MED13L: variants seen among roughly 807,000 people sequenced by gnomAD.
MED13L encodes the protein mediator complex subunit 13L.
In MED13L, 7 loss-of-function variants were observed where a neutral mutation model predicts 220.9. That is an observed-to-expected ratio of 0.03 (90% CI 0.02 to 0.06). MED13L has a LOEUF of 0.06. Ranked by LOEUF, MED13L falls within the 10% of genes least tolerant of loss-of-function variation. The pLI, the probability that MED13L is intolerant of heterozygous loss-of-function variation, is 1.00. For missense variants in MED13L, 1,965 were observed against 2,760.5 expected, an observed-to-expected ratio of 0.71 and a Z score of 6.46; for synonymous variants, 1,011 against 1,015.2, an observed-to-expected ratio of 1.00 and a Z score of 0.08.
intron 4 of MED13L, among the ~76,000 whole-genome samples, chr12:116,087,244 T>C (rs1455609311): frequency 6.6e-6 from 1 of 152,196 alleles, no homozygotes; most frequent in East Asian, 1.9e-4. Context: ...GCTATCTTAT[T>C]CAATACCATA....
intron 2 of MED13L, among the ~76,000 whole-genome samples, chr12:116,155,495 C>T (rs746140468): frequency 2.6e-5 from 4 of 152,078 alleles, no homozygotes; most frequent in Non-Finnish European, 5.9e-5. Context: ...TTAAATGTAA[C>T]GATGAAAGGT....
intron 4 of MED13L, among the ~76,000 whole-genome samples, chr12:116,053,275 C>T (rs1271900928): frequency 1.3e-5 from 2 of 152,062 alleles, no homozygotes; most frequent in Admixed American, 1.3e-4. Flanking sequence ...GGAATTTATA[C>T]TCTTCTAGAA....
intron 16 of MED13L, among the ~76,000 whole-genome samples, chr12:115,994,364 C>T (rs1878264000): frequency 1.3e-5 from 2 of 152,058 alleles, no homozygotes; most frequent in African/African-American, 4.8e-5. Context: ...GTGGGAGGAT[C>T]ACTTGAGCCC....
intron 2 of MED13L, among the ~76,000 whole-genome samples, chr12:116,198,775 G>A (rs1881816937): frequency 6.6e-6 from 1 of 151,990 alleles, no homozygotes; most frequent in Non-Finnish European, 1.5e-5. Context: ...CCTCCACATA[G>A]TAAGCATGCA....
intron 4 of MED13L, among the ~76,000 whole-genome samples, chr12:116,079,637 C>T (rs1323752447): frequency 1.3e-5 from 2 of 152,078 alleles, no homozygotes; most frequent in Non-Finnish European, 2.9e-5. Context: ...CTCGTGGGCT[C>T]AAGCGATCCT....
chr12:116,008,652 T>C lies in MED13L; in HGVS notation c.1761A>G (p.Leu587=), dbSNP rs1252708802. 6.2e-7 allele frequency: 1 copy of C among 1,614,128 alleles called. No individual in the cohort carries two copies. Among genetic ancestry groups the C allele is most frequent in the East Asian group, 2.2e-5 (1 of 44,850 alleles). ...CCAGAGTAGACAACTGCTGGAGTTC[T>C]AGTCCATTTCCATAAAGGGCTGGAT... ...PVNPALYGNG[L]ELQQLSTLDD... Residue 587 remains leucine (L), a synonymous_variant, in exon 10 of 31, where the codon CTA becomes CTG. Coordinates refer to ENST00000281928, the MANE Select transcript of MED13L (RefSeq NM_015335.5).
intron 4 of MED13L, among the ~76,000 whole-genome samples, chr12:116,057,411 G>A (rs115624024): frequency 2.6e-3 from 401 of 152,012 alleles, no homozygotes; most frequent in African/African-American, 9.4e-3. Context: ...TTCTTCAGGG[G>A]TAGAACTAAT....
chr12:116,173,958 G>A (rs953872129), intron 2 of MED13L, among the ~76,000 whole-genome samples: 4 of 152,154 alleles, frequency 2.6e-5, no homozygotes, highest in Non-Finnish European at 5.9e-5. Context: ...AATTAGCCCA[G>A]TGTGATAGCA....
chr12:115,982,846 T>C (rs1877423071), intron 21 of MED13L, among the ~76,000 whole-genome samples: 1 of 152,154 alleles, frequency 6.6e-6, no homozygotes, highest in South Asian at 2.1e-4. Context: ...TCCCCTTTCT[T>C]TTCTGTGGTT....
intron 4 of MED13L, among the ~76,000 whole-genome samples, chr12:116,050,445 C>A (rs531857996): frequency 2.1e-3 from 320 of 152,160 alleles, no homozygotes; most frequent in Non-Finnish European, 3.2e-3. Context: ...AAAATGAACA[C>A]CACTGAGACA....
intron 13 of MED13L, among the ~76,000 whole-genome samples, chr12:116,005,157 G>A (rs1353528706): frequency 2.0e-5 from 3 of 152,140 alleles, no homozygotes; most frequent in East Asian, 1.9e-4. Flanking sequence ...ATGAATGAAA[G>A]AAAAGTAAAC....
At chr12:116,162,543 G>A (rs1878967081) in intron 2 of MED13L, among the ~76,000 whole-genome samples, 2 of 152,122 alleles carry the variant, frequency 1.3e-5, no homozygotes, top group African/African-American at 4.8e-5. Context: ...GAATGTAAAG[G>A]CATAATCTTT....
chr12:116,257,834 G>A (rs905659052), intron 1 of MED13L, among the ~76,000 whole-genome samples: 2 of 152,046 alleles, frequency 1.3e-5, no homozygotes, highest in South Asian at 2.1e-4. Context: ...AAAACAATAA[G>A]CTATCTTTAT....
intron 9 of MED13L, among the ~76,000 whole-genome samples, chr12:116,009,779 T>G (rs183335256): frequency 6.6e-6 from 1 of 152,114 alleles, no homozygotes; most frequent in Non-Finnish European, 1.5e-5. Flanking sequence ...CATACACAAA[T>G]GCACCTGAAC....
At chr12:115,999,640 C>T (rs1293426335) in intron 14 of MED13L, among the ~76,000 whole-genome samples, 2 of 151,432 alleles carry the variant, frequency 1.3e-5, no homozygotes, top group African/African-American at 4.9e-5. Context: ...TGAGCTTAAA[C>T]ATAGCCTTTC....
chr12:116,079,728 G>A (rs891784995), intron 4 of MED13L, among the ~76,000 whole-genome samples: 69 of 151,964 alleles, frequency 4.5e-4, no homozygotes, highest in African/African-American at 1.6e-3. Flanking sequence ...GTAGAGACAG[G>A]GTTTTACCAT....
chr12:116,158,788 T>C (rs1878640428), intron 2 of MED13L, among the ~76,000 whole-genome samples: 1 of 152,194 alleles, frequency 6.6e-6, no homozygotes, highest in African/African-American at 2.4e-5. Flanking sequence ...ATTTCTATAT[T>C]ATCTCATTTA....
intron 2 of MED13L, among the ~76,000 whole-genome samples, chr12:116,143,625 T>C (rs746340396): frequency 1.3e-5 from 2 of 152,206 alleles, no homozygotes; most frequent in Non-Finnish European, 2.9e-5. Context: ...TCTCTGGGAC[T>C]CCCTTCTAAA....
intron 2 of MED13L, among the ~76,000 whole-genome samples, chr12:116,211,640 T>C (rs955805807): frequency 1.3e-5 from 2 of 152,116 alleles, no homozygotes; most frequent in African/African-American, 2.4e-5. Context: ...ATTTTTATAA[T>C]ATGCAAGATA....
Sources: gnomAD v4.1 joint callset for allele counts (sites outside exome capture counted in the v4.1 genomes callset) on GRCh38, gnomAD v4.1.1 for gene constraint, MANE v1.5 for transcripts, NCBI Gene and HGNC (gene_info 2026-07-23, HGNC 2026-07-21) for gene names.